MAGEA11: variants seen among roughly 807,000 people sequenced by gnomAD.
The protein encoded by MAGEA11 is MAGE family member A11.
MAGEA11 carries 1 observed loss-of-function variant against 8.4 expected under a neutral mutation model. The ratio of observed to expected loss-of-function variants is 0.12; its 90% CI spans 0.04 to 0.57. The LOEUF (loss-of-function observed/expected upper bound fraction) is 0.57, where lower values mean the gene tolerates loss of function less well. Among genes scored for constraint, MAGEA11 ranks in the 20% least tolerant of loss-of-function variants. The pLI, the probability that MAGEA11 is intolerant of heterozygous loss-of-function variation, is 0.91. For synonymous variants in MAGEA11, 127 were observed against 119.3 expected (o/e 1.06, Z -0.42); for missense variants, 209 against 317.3 (o/e 0.66, Z 2.59).
At position 149,715,635 on chromosome X, in the gene MAGEA11, G is replaced by T; in HGVS notation, c.224G>T (p.Arg75Met). 1 of 1,209,277 alleles carries T rather than the reference G, an allele frequency of 8.3e-7. No individual in the cohort carries two copies. The change falls in exon 4 of 5, where the codon AGG becomes ATG. Residue 75 changes from arginine (R) to methionine (M), a missense_variant. By Grantham distance (91) the Arg-to-Met change is moderately conservative. Transcript: ENST00000355220. ...VFREQANLED[R>M]SPRRTQRITG... ...AGAGAACAGGCCAACCTGGAGGACA[G>T]GAGTCCCAGGAGAACCCAGAGGATC...
In MAGEA11 at chrX:149,712,118, G is replaced by T; in HGVS notation, c.-62G>T. ...AAAGCGTCTTTCTGAGGGGTGTCTT[G>T]AGAGTGGCAGAGGGCAGCGGGTCCA... is the stretch of plus-strand genomic sequence containing the variant. On this transcript the variant is annotated 5_prime_UTR_variant, in exon 1 of 5. Transcript: ENST00000355220. 1.3e-6 allele frequency: 1 copy of T among 753,328 alleles called. No individual in the cohort carries two copies. The highest frequency in any genetic ancestry group is 1.6e-6 in the Non-Finnish European group (1 of 638,825). The allele number at this position is 753,328 out of a possible 1,213,427, so 62.1% of individuals were successfully genotyped here.
Position 149,716,058 on chromosome X carries a change from G to A in MAGEA11, c.572G>A (p.Ser191Asn), listed in dbSNP as rs782337606. 9.1e-6 allele frequency: 11 copies of A among 1,210,374 alleles called. No homozygotes were observed. Among genetic ancestry groups the A allele is most frequent in the African/African-American group, 8.7e-5 (5 of 57,244 alleles). Reference sequence around the variant, plus strand: ...ACTGCCATGGATGCCATCTTTGGGAGCCTATCTGATGAGGGCTCTGGCAGC... The same window carrying A: ...ACTGCCATGGATGCCATCTTTGGGAACCTATCTGATGAGGGCTCTGGCAGC... ...SPTAMDAIFG[S>N]LSDEGSGSQE... Residue 191 changes from serine (S) to asparagine (N), a missense_variant, in exon 5 of 5, where the codon AGC becomes AAC. Ser to Asn is a conservative substitution (Grantham distance 46). Coordinates refer to ENST00000355220, the MANE Select transcript of MAGEA11 (RefSeq NM_005366.5).
exon 1 of MAGEA11, chrX:149,688,894 T>C (rs1282156674): frequency 3.3e-6 from 3 of 919,251 alleles, no homozygotes; most frequent in South Asian, 3.8e-5. Context: ...CTGTGTACAC[T>C]GGACCCCTTT....
chrX:149,705,349 C>G (rs149982282), intron 1 of MAGEA11, among the ~76,000 whole-genome samples: 2 of 110,560 alleles, frequency 1.8e-5, no homozygotes, highest in South Asian at 7.8e-4. Context: ...ATGGTTTTTA[C>G]AAAATGAGAG....
At chrX:149,691,571 G>C (rs1283895392) in intron 1 of MAGEA11, among the ~76,000 whole-genome samples, 2 of 111,360 alleles carry the variant, frequency 1.8e-5, no homozygotes, top group Non-Finnish European at 3.8e-5. Flanking sequence ...TTAGTCTATA[G>C]CTTATAATGC....
upstream of MAGEA11, chrX:149,688,338 A>T (rs375853371): frequency 2.8e-3 from 312 of 112,359 alleles, 8 homozygotes; most frequent in South Asian, 0.1. Flanking sequence ...GTGAGGAGAG[A>T]TGACTGTTTT....
chrX:149,692,041 G>A (rs2090312780), intron 1 of MAGEA11, among the ~76,000 whole-genome samples: 1 of 112,513 alleles, frequency 8.9e-6, no homozygotes, highest in Non-Finnish European at 1.9e-5. Flanking sequence ...TTCACCAAAA[G>A]GGCATGAGGG....
intron 1 of MAGEA11, among the ~76,000 whole-genome samples, chrX:149,692,619 T>G (rs782578578): frequency 8.9e-6 from 1 of 111,851 alleles, no homozygotes; most frequent in East Asian, 2.8e-4. Context: ...CAATTAATTA[T>G]TTTAACAAGT....
chrX:149,694,106 A>G (rs1195762076), intron 1 of MAGEA11, among the ~76,000 whole-genome samples: 2 of 112,227 alleles, frequency 1.8e-5, no homozygotes, highest in African/African-American at 3.2e-5. Flanking sequence ...TCATAAGGTA[A>G]CACTCCATTC....
chrX:149,711,453 C>T (rs2090399764), upstream of MAGEA11, among the ~76,000 whole-genome samples: 1 of 111,904 alleles, frequency 8.9e-6, no homozygotes, highest in Non-Finnish European at 1.9e-5. Context: ...AGGTGTGCAT[C>T]TTCTCCCAGA....
chrX:149,702,028 GCAGA>G (rs1377848080), intron 1 of MAGEA11, among the ~76,000 whole-genome samples: 1 of 111,913 alleles, frequency 8.9e-6, no homozygotes, highest in East Asian at 2.8e-4. Context: ...TTATTCCATT[GCAGA>G]CAGATAAAGT....
chrX:149,689,000 T>C (rs782572906), intron 1 of MAGEA11: 8 of 1,024,652 alleles, frequency 7.8e-6, no homozygotes, highest in Non-Finnish European at 9.0e-6. Flanking sequence ...GGAATGTGCA[T>C]CTGCAAGGAG....
At chrX:149,689,449 C>T (rs782648585) in intron 1 of MAGEA11, among the ~76,000 whole-genome samples, 68 of 112,210 alleles carry the variant, frequency 6.1e-4, no homozygotes, top group Admixed American at 2.8e-3. Context: ...CATAGAATCC[C>T]TTATTTTAAC....
At chrX:149,697,153 G>A (rs1246426741) in intron 1 of MAGEA11, among the ~76,000 whole-genome samples, 1 of 110,031 alleles carries the variant, frequency 9.1e-6, no homozygotes, top group Admixed American at 9.7e-5. Context: ...CACATCCTCT[G>A]CAGACCCCAA....
rs142525369 is a variant in MAGEA11, at chrX:149,697,409, G to A, written c.9+8425G>A. ...CTACGTGCAAGGCCCCACAGTTTTT[G>A]CTCTTCCCAGGCCAGCGGCAGCCCC... On this transcript the variant is annotated intron_variant, in intron 1 of 3. Coordinates refer to the MAGEA11 transcript ENST00000333104. 3.9e-3 allele frequency among the ~76,000 whole-genome samples: 438 copies of A among 111,264 alleles called. 3 individuals are homozygous for A. Among genetic ancestry groups the A allele is most frequent in the Middle Eastern group, 0.014 (3 of 216 alleles).
intron 1 of MAGEA11, among the ~76,000 whole-genome samples, chrX:149,689,722 A>G (rs1363407340): frequency 5.3e-5 from 6 of 112,249 alleles, no homozygotes; most frequent in Admixed American, 3.8e-4. Flanking sequence ...CATTCTGCCC[A>G]ATGCACTGAA....
intron 1 of MAGEA11, among the ~76,000 whole-genome samples, chrX:149,706,206 C>T (rs960382254): frequency 1.8e-5 from 2 of 112,069 alleles, no homozygotes; most frequent in African/African-American, 6.5e-5. Flanking sequence ...GAAAGCCTTA[C>T]CCTTCCTGGC....
rs1264173634 is a variant in MAGEA11, at chrX:149,701,014, T to C, written c.9+12030T>C. The stretch of plus-strand genomic sequence containing the variant: ...AAGTCTTTGCTATTGTGAATAGTGC[T>C]GCAATAAACATACGTGTGCATGTGT... On this transcript the variant is annotated intron_variant, in intron 1 of 3. Transcript: ENST00000333104. 4.2e-4 allele frequency among the ~76,000 whole-genome samples: 46 copies of C among 109,476 alleles called. No individual in the cohort carries two copies. In the East Asian group the frequency reaches 9.5e-3, roughly 23 times the overall value.
At chrX:149,699,431 A>G (rs2090342791) in intron 1 of MAGEA11, among the ~76,000 whole-genome samples, 1 of 111,915 alleles carries the variant, frequency 8.9e-6, no homozygotes, top group Non-Finnish European at 1.9e-5. Flanking sequence ...GCATTGCCTA[A>G]TCATTGATTG....
Sources: gnomAD v4.1 joint callset for allele counts (sites outside exome capture counted in the v4.1 genomes callset) on GRCh38, gnomAD v4.1.1 for gene constraint, MANE v1.5 for transcripts, NCBI Gene and HGNC (gene_info 2026-07-23, HGNC 2026-07-21) for gene names.